Variants in EPC1 observed in about 807,000 individuals in gnomAD.
EPC1 encodes enhancer of polycomb 1.
EPC1 carries 12 observed loss-of-function variants against 98.4 expected under a neutral mutation model. That is an observed-to-expected ratio of 0.12 (90% confidence interval 0.08 to 0.20). EPC1 has a LOEUF of 0.20. EPC1 is among the 10% of genes least tolerant of loss of function. The probability of loss-of-function intolerance (pLI) is 1.00; values close to 1 mark genes in which losing one functional copy is unlikely to be tolerated. For synonymous variants in EPC1, 357 were observed against 363.9 expected (o/e 0.98, Z 0.21); for missense variants, 729 against 990.5 (o/e 0.74, Z 3.54).
intron 1 of EPC1, among the ~76,000 whole-genome samples, chr10:32,310,587 G>A (rs1378138146): frequency 6.6e-6 from 1 of 152,196 alleles, no homozygotes; most frequent in Non-Finnish European, 1.5e-5. Context: ...AACACTCACT[G>A]CTTTAAAAAA....
chr10:32,357,982 G>A (rs755149745), intron 1 of EPC1, among the ~76,000 whole-genome samples: 6 of 151,322 alleles, frequency 4.0e-5, no homozygotes, highest in Admixed American at 6.6e-5. Flanking sequence ...AGCCTCCCGA[G>A]TAGCTGGGAT....
At chr10:32,346,676 T>C in intron 1 of EPC1, 87 bp downstream of exon 1, 1 of 1,304,726 alleles carries the variant, frequency 7.7e-7, no homozygotes, top group Non-Finnish European at 1.1e-6. Flanking sequence ...TGGCGGCCAT[T>C]TTGTGTGGGT....
intron 1 of EPC1, among the ~76,000 whole-genome samples, chr10:32,319,107 T>C (rs1836730016): frequency 6.6e-6 from 1 of 152,352 alleles, no homozygotes; most frequent in East Asian, 1.9e-4. Flanking sequence ...CTCCCTTCTT[T>C]ATAATTCTAC....
At chr10:32,319,546 C>T (rs1337540904) in intron 1 of EPC1, among the ~76,000 whole-genome samples, 1 of 152,046 alleles carries the variant, frequency 6.6e-6, no homozygotes, top group African/African-American at 2.4e-5. Context: ...GACATTTCAG[C>T]TGGAAATGCA....
chr10:32,292,897 G>T, intron 4 of EPC1, 91 bp downstream of exon 4: 1 of 872,610 alleles, frequency 1.1e-6, no homozygotes, highest in Non-Finnish European at 1.7e-6. Flanking sequence ...AGTCATATTT[G>T]AATATAAATT....
At chr10:32,359,793 T>A (rs1367696314) in intron 1 of EPC1, among the ~76,000 whole-genome samples, 1 of 152,238 alleles carries the variant, frequency 6.6e-6, no homozygotes, top group Non-Finnish European at 1.5e-5. Context: ...AGATACTATA[T>A]AAAATTAATT....
chr10:32,349,421 C>T (rs1839046440), upstream of EPC1, among the ~76,000 whole-genome samples: 1 of 152,172 alleles, frequency 6.6e-6, no homozygotes, highest in Non-Finnish European at 1.5e-5. Flanking sequence ...ATTCACTTGC[C>T]TTTTGGCAGA....
At position 32,325,100 on chromosome 10, in the gene EPC1, T is replaced by C. The variant is rs928316113; in HGVS notation, c.154-19169A>G. Among the ~76,000 whole-genome samples, 8 of 152,310 alleles carry C rather than the reference T, an allele frequency of 5.3e-5. No individual in the cohort carries two copies. In the East Asian group the frequency reaches 1.5e-3, roughly 29 times the overall value. On this transcript the variant is annotated intron_variant, in intron 1 of 13. Transcript: ENST00000319778. ...CAAAACAAGTGTCAACCTATGAACA[T>C]AATCAATTCTCACTGTAGAACTTAA...
At chr10:32,315,462 C>T (rs187595510) in intron 1 of EPC1, among the ~76,000 whole-genome samples, 4 of 152,208 alleles carry the variant, frequency 2.6e-5, no homozygotes, top group East Asian at 1.9e-4. Context: ...ACAATTAAGG[C>T]TACCTTTAGA....
At chr10:32,348,009 G>T (rs1307099335), upstream of EPC1, among the ~76,000 whole-genome samples, 1 of 152,188 alleles carries the variant, frequency 6.6e-6, no homozygotes, top group Non-Finnish European at 1.5e-5. Flanking sequence ...TTAAAAGCAA[G>T]ATCTACTTCA....
At chr10:32,348,155 T>G (rs916357738), upstream of EPC1, among the ~76,000 whole-genome samples, 4 of 152,220 alleles carry the variant, frequency 2.6e-5, no homozygotes, top group Non-Finnish European at 5.9e-5. Context: ...TATAAAGACC[T>G]GTCGTACTCC....
At chr10:32,354,037 T>C (rs991202711) in intron 1 of EPC1, among the ~76,000 whole-genome samples, 4 of 152,184 alleles carry the variant, frequency 2.6e-5, no homozygotes, top group African/African-American at 9.7e-5. Flanking sequence ...AGAAACAATA[T>C]CTGAAGTACT....
In EPC1 at chr10:32,284,702, G is replaced by A. The variant is rs959939159; in HGVS notation, c.1740C>T (p.His580=). The A allele has an allele frequency of 1.9e-6, 3 of 1,607,840 alleles. No homozygotes were observed. The African/African-American group carries it at 4.0e-5, about 21-fold the overall frequency. The change falls in exon 10 of 14, where the codon CAC becomes CAT. Residue 580 remains histidine, a synonymous_variant. Transcript: ENST00000319778. ...CATCATTAACAGTCAACATACCAAA[G>A]TGTGCTGAACCACTGCTACTTTTAC... is the stretch of plus-strand genomic sequence containing the variant. ...TQSKSSSGSA[H]FAFTAEQYQQ... is the part of the protein sequence containing the mutation.
intron 10 of EPC1, among the ~76,000 whole-genome samples, chr10:32,279,887 C>A (rs922191083): frequency 6.6e-5 from 10 of 152,100 alleles, no homozygotes; most frequent in African/African-American, 2.4e-4. Flanking sequence ...TCCTTAAGTA[C>A]TAAAACCTAG....
chr10:32,341,316 T>A (rs1838331707), intron 1 of EPC1, among the ~76,000 whole-genome samples: 1 of 118,562 alleles, frequency 8.4e-6, no homozygotes, highest in South Asian at 2.7e-4. Flanking sequence ...TGGACACATG[T>A]CTGTGTGTGT....
chr10:32,351,132 T>G (rs1373296822), upstream of EPC1, among the ~76,000 whole-genome samples: 1 of 152,200 alleles, frequency 6.6e-6, no homozygotes, highest in Non-Finnish European at 1.5e-5. Flanking sequence ...GGCCTCACAA[T>G]GCATGTCACC....
chr10:32,362,988 T>C (rs1288308888), intron 1 of EPC1, among the ~76,000 whole-genome samples: 2 of 152,226 alleles, frequency 1.3e-5, no homozygotes, highest in African/African-American at 4.8e-5. Context: ...ACTGAACCTG[T>C]ATTTCTGCTA....
At chr10:32,301,082 C>A (rs1311289333) in intron 2 of EPC1, among the ~76,000 whole-genome samples, 2 of 151,986 alleles carry the variant, frequency 1.3e-5, no homozygotes, top group Non-Finnish European at 2.9e-5. Flanking sequence ...ATCTATCTAT[C>A]TATCTATCTG....
rs774013896 is a variant in EPC1, at chr10:32,271,795, T to C, written c.2128A>G (p.Ser710Gly). The change falls in exon 13 of 14, where the codon AGT becomes GGT. Residue 710 changes from serine to glycine, a missense_variant. Around this residue, in one of 6 missense-constraint regions of EPC1, gnomAD observed 156 missense variants for 188.9 expected, o/e 0.83. Transcript: ENST00000319778. The stretch of plus-strand genomic sequence containing the variant: ...GCAGTTACTTGATGACTCAGTGCAC[T>C]GTGGGAACTTGAAGTCTGTGTAATA... ...SNITQTSSSH[S>G]ALSHQVTAAN... 1.2e-6 allele frequency: 2 copies of C among 1,614,240 alleles called. No individual in the cohort carries two copies. The highest frequency in any genetic ancestry group is 1.7e-6 in the Non-Finnish European group (2 of 1,180,050).
Sources: allele counts gnomAD v4.1 joint callset (sites outside exome capture counted in the v4.1 genomes callset), GRCh38; gene constraint gnomAD v4.1.1; regional missense constraint gnomAD v4.1.1; transcripts MANE v1.5; gene names NCBI Gene and HGNC (gene_info 2026-07-23, HGNC 2026-07-21).